PPM1L: variants seen among roughly 807,000 people sequenced by gnomAD.
The protein encoded by PPM1L is protein phosphatase, Mg2+/Mn2+ dependent 1L.
PPM1L carries 13 observed loss-of-function variants against 31.4 expected under a neutral mutation model. That is an observed-to-expected ratio of 0.41 (90% CI 0.27 to 0.66). The LOEUF (loss-of-function observed/expected upper bound fraction) is 0.66, where lower values mean the gene tolerates loss of function less well. PPM1L is among the 30% of genes least tolerant of loss of function. The pLI, the probability that PPM1L is intolerant of heterozygous loss-of-function variation, is 0.29. For synonymous variants in PPM1L, 184 were observed against 175.4 expected (o/e 1.05, Z -0.39); for missense variants, 326 against 453.7 (o/e 0.72, Z 2.56).
chr3:160,794,310 A>AT (rs1435433749), intron 1 of PPM1L, among the ~76,000 whole-genome samples: 7 of 152,224 alleles, frequency 4.6e-5, no homozygotes, highest in African/African-American at 1.4e-4. Context: ...CTGATAGTTG[A>AT]TGAGTGGGGA....
chr3:160,970,289 C>G (rs538711564), intron 2 of PPM1L, among the ~76,000 whole-genome samples: 1 of 151,962 alleles, frequency 6.6e-6, no homozygotes, highest in Non-Finnish European at 1.5e-5. Flanking sequence ...GTAATGCAGA[C>G]GATTACTAGC....
chr3:160,935,978 G>T (rs1290226583), intron 1 of PPM1L, among the ~76,000 whole-genome samples: 1 of 152,176 alleles, frequency 6.6e-6, no homozygotes, highest in Non-Finnish European at 1.5e-5. Context: ...TGGAGATTCG[G>T]CAATAAACTA....
chr3:160,774,547 T>G (rs1711516316), intron 1 of PPM1L, among the ~76,000 whole-genome samples: 1 of 152,266 alleles, frequency 6.6e-6, no homozygotes, highest in African/African-American at 2.4e-5. Flanking sequence ...TCTGAAATTT[T>G]GGGTTCTCAT....
intron 1 of PPM1L, among the ~76,000 whole-genome samples, chr3:160,958,259 T>C (rs1346725562): frequency 1.3e-5 from 2 of 152,218 alleles, no homozygotes; most frequent in African/African-American, 4.8e-5. Flanking sequence ...TGGTGTTGCC[T>C]AGGTTATCTT....
chr3:160,964,990 G>A (rs1327903503), intron 2 of PPM1L, among the ~76,000 whole-genome samples: 4 of 152,016 alleles, frequency 2.6e-5, no homozygotes, highest in African/African-American at 9.7e-5. Context: ...AGCGGCTCAC[G>A]CCTGTAATCC....
intron 1 of PPM1L, among the ~76,000 whole-genome samples, chr3:160,771,245 A>G (rs1350159430): frequency 1.3e-5 from 2 of 151,846 alleles, no homozygotes; most frequent in African/African-American, 2.4e-5. Context: ...TTTTCAGGCA[A>G]CTTTCCGGAA....
At chr3:160,836,007 A>G (rs1379694635) in intron 1 of PPM1L, among the ~76,000 whole-genome samples, 1 of 151,606 alleles carries the variant, frequency 6.6e-6, no homozygotes, top group Non-Finnish European at 1.5e-5. Context: ...CCAGAAATCA[A>G]TGTGTCCATT....
At chr3:160,962,847 C>T (rs915132052) in intron 2 of PPM1L, among the ~76,000 whole-genome samples, 1 of 151,918 alleles carries the variant, frequency 6.6e-6, no homozygotes, top group East Asian at 1.9e-4. Flanking sequence ...ACCACTTAAA[C>T]AATATTTCTA....
chr3:161,062,144 GGA>G (rs923254017), intron 2 of PPM1L, among the ~76,000 whole-genome samples: 11 of 146,910 alleles, frequency 7.5e-5, no homozygotes, highest in African/African-American at 2.2e-4. Flanking sequence ...TAGTGGGGGG[GGA>G]AAAAAAAAAG....
intron 1 of PPM1L, among the ~76,000 whole-genome samples, chr3:160,953,539 C>G (rs1715640094): frequency 6.6e-6 from 1 of 151,880 alleles, no homozygotes; most frequent in Non-Finnish European, 1.5e-5. Context: ...ACTTTTTTTC[C>G]CAGAGAAATA....
chr3:161,011,520 G>C (rs997867208), intron 2 of PPM1L, among the ~76,000 whole-genome samples: 2 of 151,566 alleles, frequency 1.3e-5, no homozygotes, highest in Non-Finnish European at 2.9e-5. Context: ...GGTTCCATAG[G>C]AACTTTAAAG....
intron 1 of PPM1L, among the ~76,000 whole-genome samples, chr3:160,858,082 G>A (rs1576674034): frequency 6.6e-6 from 1 of 152,094 alleles, no homozygotes; most frequent in South Asian, 2.1e-4. Flanking sequence ...ATTTGAAATG[G>A]CAGAGTCTAT....
chr3:160,848,488 A>G (rs1213192330), intron 1 of PPM1L, among the ~76,000 whole-genome samples: 1 of 152,058 alleles, frequency 6.6e-6, no homozygotes, highest in Non-Finnish European at 1.5e-5. Flanking sequence ...GCCCTCTCCC[A>G]CATCTTCTTA....
At chr3:161,023,357 A>G (rs1026394654) in intron 2 of PPM1L, among the ~76,000 whole-genome samples, 6 of 152,104 alleles carry the variant, frequency 3.9e-5, no homozygotes, top group East Asian at 1.9e-4. Flanking sequence ...AGGGAATCCT[A>G]TATATGTTGT....
chr3:160,807,698 T>C (rs1712644261), intron 1 of PPM1L, among the ~76,000 whole-genome samples: 1 of 151,688 alleles, frequency 6.6e-6, no homozygotes, highest in African/African-American at 2.4e-5. Context: ...TTGGAGGGAG[T>C]TTCAGGAAAA....
At chr3:160,897,291 T>G (rs1713369460) in intron 1 of PPM1L, among the ~76,000 whole-genome samples, 1 of 152,154 alleles carries the variant, frequency 6.6e-6, no homozygotes, top group Non-Finnish European at 1.5e-5. Context: ...TCCACCCGAC[T>G]TGGCCTCCCA....
rs1233867172 is a variant in PPM1L at position 161,070,935 on chromosome 3, T to C, written c.*1778T>C. 6.6e-6 allele frequency: 1 copy of C among 152,252 alleles called. No individual in the cohort carries two copies. Among genetic ancestry groups the C allele is most frequent in the African/African-American group, 2.4e-5 (1 of 41,462 alleles). 9.4% of individuals were successfully genotyped at this position (152,252 alleles called of 1,614,324 possible). A position where few individuals can be genotyped will look rare whatever the true frequency, so the allele number is the denominator to read the frequency against. On this transcript the variant is annotated 3_prime_UTR_variant, in exon 4 of 4. Coordinates refer to ENST00000498165, the MANE Select transcript of PPM1L (RefSeq NM_139245.4). ...AATTGCTAATGATTTCCCATGAGAT[T>C]TGCTTACTTTTGTATACTGTATTTT...
intron 2 of PPM1L, among the ~76,000 whole-genome samples, chr3:161,019,140 A>T (rs1434303384): frequency 1.3e-5 from 2 of 152,062 alleles, no homozygotes; most frequent in East Asian, 3.9e-4. Context: ...ATGATGCTCA[A>T]AATTGCAACC....
intron 1 of PPM1L, among the ~76,000 whole-genome samples, chr3:160,948,309 T>C (rs552823427): frequency 1.4e-5 from 2 of 141,736 alleles, no homozygotes; most frequent in East Asian, 1.9e-4. Flanking sequence ...CACAATTAGG[T>C]ATCTCATTTT....
Sources: gnomAD v4.1 joint callset for allele counts (sites outside exome capture counted in the v4.1 genomes callset) on GRCh38, gnomAD v4.1.1 for gene constraint, MANE v1.5 for transcripts, NCBI Gene and HGNC (gene_info 2026-07-23, HGNC 2026-07-21) for gene names.